Variants in PTPN4 observed in about 807,000 individuals in gnomAD.
PTPN4 encodes the protein protein tyrosine phosphatase non-receptor type 4.
PTPN4 carries 49 observed loss-of-function variants against 135.5 expected under a neutral mutation model. The observed-to-expected ratio is 0.36, with a 90% CI of 0.29 to 0.46. The LOEUF (loss-of-function observed/expected upper bound fraction) is 0.46, where lower values mean the gene tolerates loss of function less well. PTPN4 is among the 20% of genes least tolerant of loss of function. The probability of loss-of-function intolerance (pLI) is 1.00; values close to 1 mark genes in which losing one functional copy is unlikely to be tolerated. For missense variants in PTPN4, 860 were observed against 1,101.0 expected (o/e 0.78, Z 3.10); for synonymous variants, 333 against 369.9 (o/e 0.90, Z 1.14).
chr2:119,918,282 A>G (rs1678686868), intron 11 of PTPN4, among the ~76,000 whole-genome samples: 1 of 152,208 alleles, frequency 6.6e-6, no homozygotes, highest in Non-Finnish European at 1.5e-5. Context: ...TTGATGGGCA[A>G]GAATTTCTTT....
At chr2:119,912,520 A>G (rs1678586637) in intron 10 of PTPN4, among the ~76,000 whole-genome samples, 1 of 152,222 alleles carries the variant, frequency 6.6e-6, no homozygotes, top group Non-Finnish European at 1.5e-5. Flanking sequence ...TTCCAAAACC[A>G]TGTGAAAGTT....
intron 2 of PTPN4, among the ~76,000 whole-genome samples, chr2:119,815,854 A>G (rs1006427989): frequency 6.6e-6 from 1 of 152,120 alleles, no homozygotes; most frequent in Non-Finnish European, 1.5e-5. Context: ...GTTTTTTGTA[A>G]TATGTATAAT....
rs3835789 is a variant in PTPN4 at position 119,876,897 on chromosome 2, A to ATGTGTG, written c.247-387_247-382dup. On this transcript the variant is annotated intron_variant, in intron 3 of 26. Coordinates refer to ENST00000263708, the MANE Select transcript of PTPN4 (RefSeq NM_002830.4). Reference sequence around the variant, plus strand: ...CTGAATGAGTATAAAGCCCAAGAGCATGTGTGTGTGTGTGTGTGTGTGTGT... The same window carrying ATGTGTG: ...CTGAATGAGTATAAAGCCCAAGAGCATGTGTGTGTGTGTGTGTGTGTGTGTGTGTGT... 7.1e-3 allele frequency among the ~76,000 whole-genome samples: 969 copies of ATGTGTG among 136,102 alleles called. 4 individuals are homozygous for ATGTGTG. The highest frequency in any genetic ancestry group is 0.011 in the Middle Eastern group (3 of 266). 89.3% of individuals were successfully genotyped at this position (136,102 alleles called of 152,430 possible). A position where few individuals can be genotyped will look rare whatever the true frequency, so the allele number is the denominator to read the frequency against.
intron 13 of PTPN4, among the ~76,000 whole-genome samples, chr2:119,929,147 G>A (rs112966578): frequency 3.3e-5 from 5 of 152,002 alleles, no homozygotes; most frequent in South Asian, 4.1e-4. Context: ...GAAATAATAA[G>A]GTATCAGCTA....
intron 2 of PTPN4, among the ~76,000 whole-genome samples, chr2:119,844,198 A>G (rs1398667125): frequency 9.2e-6 from 1 of 108,650 alleles, no homozygotes; most frequent in Non-Finnish European, 1.9e-5. Context: ...GGCCGGGCAG[A>G]GGGGCTCCTC....
intron 2 of PTPN4, among the ~76,000 whole-genome samples, chr2:119,835,176 C>T (rs1677272934): frequency 6.6e-6 from 1 of 151,990 alleles, no homozygotes; most frequent in South Asian, 2.1e-4. Flanking sequence ...TTATCAAAAT[C>T]AGTATGTTTA....
At chr2:119,965,813 G>A (rs1177475800) in intron 25 of PTPN4, among the ~76,000 whole-genome samples, 168 bp downstream of exon 25, 1 of 152,182 alleles carries the variant, frequency 6.6e-6, no homozygotes, top group African/African-American at 2.4e-5. Context: ...ATGATTGGCA[G>A]TAACTTTATC....
chr2:119,774,187 G>T (rs1236180311), intron 1 of PTPN4, among the ~76,000 whole-genome samples: 1 of 152,116 alleles, frequency 6.6e-6, no homozygotes, highest in Non-Finnish European at 1.5e-5. Flanking sequence ...CATAAACCTT[G>T]AATAACACCA....
At chr2:119,909,767 C>T (rs111591337) in intron 10 of PTPN4, among the ~76,000 whole-genome samples, 67 of 152,136 alleles carry the variant, frequency 4.4e-4, no homozygotes, top group African/African-American at 1.2e-3. Context: ...CAACGTTAAC[C>T]GGAATTTTGA....
At chr2:119,925,367 G>T (rs573465846) in intron 12 of PTPN4, among the ~76,000 whole-genome samples, 2 of 152,102 alleles carry the variant, frequency 1.3e-5, no homozygotes, top group Admixed American at 6.5e-5. Flanking sequence ...ATGACAGCTC[G>T]CACATTAAAT....
At chr2:119,808,826 T>C (rs1574345626) in intron 1 of PTPN4, among the ~76,000 whole-genome samples, 1 of 152,218 alleles carries the variant, frequency 6.6e-6, no homozygotes, top group South Asian at 2.1e-4. Context: ...CAATGACTTT[T>C]ACTTTGAGCT....
chr2:119,881,851 A>T (rs200281685), intron 6 of PTPN4, 21 bp downstream of exon 6: 26 of 1,510,552 alleles, frequency 1.7e-5, no homozygotes, highest in Admixed American at 1.1e-4. Context: ...TAAATTTCTT[A>T]AAAAATTTTT....
At chr2:119,931,647 C>G (rs1171705572) in intron 13 of PTPN4, among the ~76,000 whole-genome samples, 1 of 151,718 alleles carries the variant, frequency 6.6e-6, no homozygotes, top group Non-Finnish European at 1.5e-5. Context: ...CTTATGTTGC[C>G]CAAGCTGGTC....
chr2:119,975,120 G>A (rs1679594202), intron 26 of PTPN4, among the ~76,000 whole-genome samples: 3 of 151,896 alleles, frequency 2.0e-5, no homozygotes, highest in African/African-American at 7.3e-5. Flanking sequence ...TTGTTTATTT[G>A]CAGTATTTTT....
chr2:119,769,279 A>G (rs889210123), intron 1 of PTPN4, among the ~76,000 whole-genome samples: 1 of 152,226 alleles, frequency 6.6e-6, no homozygotes, highest in Non-Finnish European at 1.5e-5. Flanking sequence ...AGAGAAGACC[A>G]AGAGGCTTTG....
chr2:119,809,906 C>T lies in PTPN4; in HGVS notation c.53C>T (p.Ser18Leu), dbSNP rs146543517. The T allele has an allele frequency of 1.9e-5, 31 of 1,613,394 alleles. No individual in the cohort carries two copies. Among genetic ancestry groups the T allele is most frequent in the Middle Eastern group, 3.3e-4 (2 of 6,084 alleles). Reference protein sequence around the residue: ...PAGRTYNVRASELARDRQHTE... With the variant: ...PAGRTYNVRALELARDRQHTE... ...GGCAGAACCTACAATGTACGAGCAT[C>T]AGAGTTGGCCCGAGACAGACAGCAT... The change falls in exon 2 of 27, where the codon TCA becomes TTA. Residue 18 changes from serine to leucine, a missense_variant. By Grantham distance (145) the Ser-to-Leu change is moderately radical. Coordinates refer to ENST00000263708, the MANE Select transcript of PTPN4 (RefSeq NM_002830.4).
intron 10 of PTPN4, among the ~76,000 whole-genome samples, chr2:119,904,515 C>G (rs1558760143): frequency 6.6e-6 from 1 of 152,074 alleles, no homozygotes; most frequent in Non-Finnish European, 1.5e-5. Context: ...CCAACTCTTG[C>G]AAGACGTAGA....
At chr2:119,948,701 CAA>C (rs1027344235) in intron 18 of PTPN4, among the ~76,000 whole-genome samples, 12 of 151,994 alleles carry the variant, frequency 7.9e-5, no homozygotes, top group African/African-American at 2.9e-4. Flanking sequence ...GTTGGGGAAA[CAA>C]GTTATATGTT....
chr2:119,761,020 C>T (rs536389313), intron 1 of PTPN4, among the ~76,000 whole-genome samples: 154 of 152,218 alleles, frequency 1.0e-3, no homozygotes, highest in Middle Eastern at 3.4e-3. Context: ...TCTGGGCTTG[C>T]ATCATGTAGT....
Sources: allele counts gnomAD v4.1 joint callset (sites outside exome capture counted in the v4.1 genomes callset), GRCh38; gene constraint gnomAD v4.1.1; transcripts MANE v1.5; gene names NCBI Gene and HGNC (gene_info 2026-07-23, HGNC 2026-07-21).